The following AGMO variants were observed in gnomAD, a reference collection of about 807,000 sequenced individuals.
AGMO encodes the protein alkylglycerol monooxygenase.
AGMO carries 75 observed loss-of-function variants against 60.2 expected under a neutral mutation model. The observed-to-expected ratio is 1.25, with a 90% CI of 1.03 to 1.51. The LOEUF (loss-of-function observed/expected upper bound fraction) is 1.51, where lower values mean the gene tolerates loss of function less well. Among genes scored for constraint, AGMO ranks in the 40% most tolerant of loss-of-function variants. The pLI is 0.00. For missense variants in AGMO, 763 were observed against 525.5 expected, an observed-to-expected ratio of 1.45 and a Z score of -4.42; for synonymous variants, 261 against 177.1, an observed-to-expected ratio of 1.47 and a Z score of -3.76.
chr7:15,561,693 G>A (rs200272137), intron 1 of AGMO, 27 bp downstream of exon 1: 1 of 1,584,578 alleles, frequency 6.3e-7, no homozygotes, highest in Admixed American at 1.8e-5. Context: ...GCAAGAATAA[G>A]AGTAGCCTCT....
At chr7:15,391,370 T>C (rs1367375512) in intron 6 of AGMO, among the ~76,000 whole-genome samples, 1 of 152,156 alleles carries the variant, frequency 6.6e-6, no homozygotes, top group Non-Finnish European at 1.5e-5. Flanking sequence ...CTGACTAGTT[T>C]TTTTAAGATC....
intron 12 of AGMO, among the ~76,000 whole-genome samples, chr7:15,362,528 T>C (rs576365499): frequency 6.6e-6 from 1 of 152,324 alleles, no homozygotes; most frequent in Admixed American, 6.5e-5. Flanking sequence ...TTGTGGCACT[T>C]CATTTTTCCA....
chr7:15,445,458 G>T (rs954541388), intron 3 of AGMO, among the ~76,000 whole-genome samples: 49 of 152,094 alleles, frequency 3.2e-4, no homozygotes, highest in African/African-American at 1.1e-3. Flanking sequence ...TATCAAACTT[G>T]GAGCCCATCC....
intron 4 of AGMO, among the ~76,000 whole-genome samples, chr7:15,421,088 G>C (rs762282353): frequency 3.9e-5 from 6 of 152,110 alleles, no homozygotes; most frequent in Non-Finnish European, 8.8e-5. Flanking sequence ...CATGAAGCAA[G>C]AAACAATATG....
At chr7:15,120,985 C>CA in the AGMO span, among the ~76,000 whole-genome samples, 1 of 152,000 alleles carries the variant, frequency 6.6e-6, no homozygotes, top group African/African-American at 2.4e-5. Flanking sequence ...TGCCCACCCC[C>CA]AGACAGGCCA....
the AGMO span, among the ~76,000 whole-genome samples, chr7:15,160,064 G>C: frequency 6.6e-6 from 1 of 152,166 alleles, no homozygotes; most frequent in Non-Finnish European, 1.5e-5. Context: ...TAATGGAGCT[G>C]AGCCAAATCC....
chr7:15,258,699 A>AG (rs1190118100), intron 12 of AGMO, among the ~76,000 whole-genome samples: 1 of 152,228 alleles, frequency 6.6e-6, no homozygotes, highest in African/African-American at 2.4e-5. Context: ...CTACTGGAGC[A>AG]GGGGCTGGTA....
intron 12 of AGMO, among the ~76,000 whole-genome samples, chr7:15,269,332 A>C (rs1215957080): frequency 6.6e-6 from 1 of 152,042 alleles, no homozygotes; most frequent in Non-Finnish European, 1.5e-5. Context: ...TGTTTCCAAA[A>C]GATTTAGGTA....
intron 12 of AGMO, among the ~76,000 whole-genome samples, chr7:15,252,590 G>A (rs549895782): frequency 6.6e-6 from 1 of 152,176 alleles, no homozygotes; most frequent in Non-Finnish European, 1.5e-5. Context: ...TGAACACCAC[G>A]TGAGCTAGGA....
chr7:15,298,275 T>C (rs756901235), intron 12 of AGMO, among the ~76,000 whole-genome samples: 1 of 152,200 alleles, frequency 6.6e-6, no homozygotes, highest in South Asian at 2.1e-4. Flanking sequence ...CTATATCGTC[T>C]ACTAAATCAG....
the AGMO span, among the ~76,000 whole-genome samples, chr7:15,181,582 G>A: frequency 6.6e-6 from 1 of 151,862 alleles, no homozygotes; most frequent in South Asian, 2.1e-4. Flanking sequence ...AATGCAATAG[G>A]TTTTCAGAAA....
chr7:15,137,871 C>T, the AGMO span, among the ~76,000 whole-genome samples: 3 of 151,794 alleles, frequency 2.0e-5, no homozygotes, highest in Non-Finnish European at 4.4e-5. Context: ...GATGAGGAAA[C>T]AGGCAATGAA....
chr7:15,358,385 A>T (rs1406343580), intron 12 of AGMO: 1 of 470,658 alleles, frequency 2.1e-6, no homozygotes, highest in Non-Finnish European at 4.4e-6. Context: ...GATAACGTGG[A>T]AAGGATAATA....
In AGMO at chr7:15,365,612, C is replaced by T. The variant is rs1431486409; in HGVS notation, c.1165G>A (p.Ala389Thr). 3.7e-6 allele frequency: 6 copies of T among 1,611,224 alleles called. No homozygotes were observed. In the South Asian group the frequency reaches 5.5e-5, roughly 15 times the overall value. Residue 389 changes from alanine (A) to threonine (T), a missense_variant, in exon 12 of 13, where the codon GCA (alanine) becomes ACA (threonine). Coordinates refer to ENST00000342526, the MANE Select transcript of AGMO (RefSeq NM_001004320.2). ...CAACGGAGAGTTTCCATAATAGCTGCCTTGGGTCTGAAATAAAATGTCATT... is the reference window on the plus strand; with the variant it reads ...CAACGGAGAGTTTCCATAATAGCTGTCTTGGGTCTGAAATAAAATGTCATT... ...IGFLLDQRPK[A>T]AIMETLRCLM...
chr7:15,491,660 TCATGTGATA>T (rs1328747755), intron 3 of AGMO, among the ~76,000 whole-genome samples: 1 of 152,174 alleles, frequency 6.6e-6, no homozygotes, highest in African/African-American at 2.4e-5. Context: ...AAACAGATTA[TCATGTGATA>T]CACTGTGAGA....
chr7:15,192,599 C>G, the AGMO span, among the ~76,000 whole-genome samples: 4 of 152,104 alleles, frequency 2.6e-5, no homozygotes, highest in African/African-American at 9.7e-5. Flanking sequence ...GGTCCAGGTA[C>G]CAAGAGCGCA....
chr7:15,207,871 T>C (rs2115472873), intron 12 of AGMO, among the ~76,000 whole-genome samples: 1 of 152,250 alleles, frequency 6.6e-6, no homozygotes, highest in Admixed American at 6.5e-5. Flanking sequence ...GAGGCGGAGC[T>C]TGCAGTGAGC....
At chr7:15,474,859 C>T (rs867989589) in intron 3 of AGMO, among the ~76,000 whole-genome samples, 2 of 150,504 alleles carry the variant, frequency 1.3e-5, no homozygotes, top group African/African-American at 4.9e-5. Context: ...ATAAAAAAAA[C>T]AACCCCATCA....
chr7:15,131,846 A>G, the AGMO span, among the ~76,000 whole-genome samples: 1 of 151,854 alleles, frequency 6.6e-6, no homozygotes, highest in Non-Finnish European at 1.5e-5. Flanking sequence ...ACAGCTGGGT[A>G]GAGCAAGCTG....
Sources: allele counts gnomAD v4.1 joint callset (sites outside exome capture counted in the v4.1 genomes callset), GRCh38; gene constraint gnomAD v4.1.1; transcripts MANE v1.5; gene names NCBI Gene and HGNC (gene_info 2026-07-23, HGNC 2026-07-21).